PLXNA4: variants seen among roughly 807,000 people sequenced by gnomAD.
PLXNA4 encodes the protein plexin A4, also known as plexin-A4.
Under a neutral mutation model 191.8 loss-of-function variants are expected in PLXNA4, and 44 were observed. That is an observed-to-expected ratio of 0.23 (90% CI 0.18 to 0.29). The LOEUF is 0.29. Ranked by LOEUF, PLXNA4 falls within the 10% of genes least tolerant of loss-of-function variation. PLXNA4 has a pLI of 1.00. For missense variants in PLXNA4, 1,800 were observed against 2,488.8 expected (o/e 0.72, Z 5.89); for synonymous variants, 1,082 against 1,009.5 (o/e 1.07, Z -1.36).
At chr7:132,432,506 C>A (rs948480505) in intron 3 of PLXNA4, among the ~76,000 whole-genome samples, 5 of 152,158 alleles carry the variant, frequency 3.3e-5, no homozygotes, top group African/African-American at 4.8e-5. Flanking sequence ...ATTTATCCCA[C>A]TCCTTGGTTC....
At chr7:132,434,814 T>G (rs755897707) in intron 3 of PLXNA4, among the ~76,000 whole-genome samples, 1 of 152,170 alleles carries the variant, frequency 6.6e-6, no homozygotes, top group African/African-American at 2.4e-5. Context: ...GGTACAGATG[T>G]AGAGAGTTAG....
intron 1 of PLXNA4, among the ~76,000 whole-genome samples, chr7:132,558,044 G>A (rs1017057543): frequency 6.6e-6 from 1 of 152,182 alleles, no homozygotes; most frequent in African/African-American, 2.4e-5. Flanking sequence ...GTGGGAATAT[G>A]AGATGTAAAT....
chr7:132,132,808 A>G lies in PLXNA4; in HGVS notation c.5589+241T>C, dbSNP rs565980702. On this transcript the variant is annotated intron_variant, in intron 31 of 31. Transcript: ENST00000321063. ...GAGAAAATAAGAATTAAAAAAGACA[A>G]TATAAAAGAAACAGGTACTTATTTA... Among the ~76,000 whole-genome samples the G allele has an allele frequency of 1.1e-4, 17 of 152,314 alleles. No homozygotes were observed. In the South Asian group the frequency reaches 3.3e-3, roughly 30 times the overall value.
At chr7:132,231,976 A>G (rs574687439) in intron 5 of PLXNA4, among the ~76,000 whole-genome samples, 3 of 152,334 alleles carry the variant, frequency 2.0e-5, no homozygotes, top group South Asian at 4.1e-4. Context: ...CATTTCTACT[A>G]TCCTCCAGGA....
chr7:132,376,217 C>T (rs556467262), intron 3 of PLXNA4, among the ~76,000 whole-genome samples: 5 of 152,240 alleles, frequency 3.3e-5, no homozygotes, highest in African/African-American at 7.2e-5. Context: ...CAGCATTGGC[C>T]GAGGGACTGT....
chr7:132,645,573 G>T (rs1304699686), intron 2 of PLXNA4, among the ~76,000 whole-genome samples: 1 of 152,166 alleles, frequency 6.6e-6, no homozygotes, highest in Non-Finnish European at 1.5e-5. Flanking sequence ...TACAGTTTCT[G>T]TAAGAATACT....
In PLXNA4 at chr7:132,597,874, C is replaced by T. The variant is rs369027774; in HGVS notation, c.-87+48054G>A. Among the ~76,000 whole-genome samples the T allele has an allele frequency of 1.3e-3, 95 of 71,042 alleles. 1 individual carries two copies. Among genetic ancestry groups the T allele is most frequent in the African/African-American group, 3.0e-3 (85 of 27,876 alleles). The allele number at this position is 71,042 out of a possible 152,430, so 46.6% of individuals were successfully genotyped here. ...CTCTCTCTCTCTATATATATATATA[C>T]ATCCAATCTGTAATTTTTAACTTCT... On this transcript the variant is annotated intron_variant, in intron 2 of 4. Coordinates refer to the PLXNA4 transcript ENST00000378539.
At chr7:132,346,654 C>G (rs1019222169) in intron 3 of PLXNA4, among the ~76,000 whole-genome samples, 27 of 152,146 alleles carry the variant, frequency 1.8e-4, no homozygotes, top group African/African-American at 6.3e-4. Context: ...TCAGTTTTCC[C>G]CATCTGCCCA....
chr7:132,461,249 T>C (rs898031772), intron 3 of PLXNA4, among the ~76,000 whole-genome samples: 2 of 152,186 alleles, frequency 1.3e-5, no homozygotes, highest in Non-Finnish European at 2.9e-5. Flanking sequence ...ATCTGGCCTC[T>C]TCCTCTGATC....
chr7:132,266,719 T>C (rs991811125), intron 4 of PLXNA4, among the ~76,000 whole-genome samples: 3 of 152,236 alleles, frequency 2.0e-5, no homozygotes, highest in Non-Finnish European at 2.9e-5. Context: ...GCTTACTGTC[T>C]TTCTGCATAA....
intron 3 of PLXNA4, among the ~76,000 whole-genome samples, chr7:132,386,000 T>C (rs1805121240): frequency 1.3e-5 from 2 of 152,190 alleles, no homozygotes; most frequent in South Asian, 4.1e-4. Context: ...CAGCCCCTTT[T>C]CTCTGTGATT....
chr7:132,540,812 C>T (rs1800046568), intron 1 of PLXNA4, among the ~76,000 whole-genome samples: 1 of 151,714 alleles, frequency 6.6e-6, no homozygotes, highest in Non-Finnish European at 1.5e-5. Flanking sequence ...TGGTCTCGAT[C>T]TCCTGACCTC....
At chr7:132,385,333 T>C (rs777350159) in intron 3 of PLXNA4, 1 of 1,582,518 alleles carries the variant, frequency 6.3e-7, no homozygotes, top group Non-Finnish European at 8.6e-7. Context: ...TAGACCATGG[T>C]GCACAAGATA....
chr7:132,157,323 G>A (rs1376292), intron 25 of PLXNA4, among the ~76,000 whole-genome samples: 30,053 of 152,128 alleles, frequency 0.2, 4,402 homozygotes, highest in African/African-American at 0.41. Flanking sequence ...TGGCAGGAGC[G>A]ACTGTGCCTG....
At chr7:132,154,509 G>T (rs1245070532) in intron 25 of PLXNA4, among the ~76,000 whole-genome samples, 2 of 152,002 alleles carry the variant, frequency 1.3e-5, no homozygotes, top group Non-Finnish European at 2.9e-5. Flanking sequence ...TGCACTGAAG[G>T]TACTAGATCT....
chr7:132,384,766 A>G, intron 3 of PLXNA4: 1 of 1,089,790 alleles, frequency 9.2e-7, no homozygotes, highest in Non-Finnish European at 1.1e-6. Flanking sequence ...ACACACACAC[A>G]CACACACACA....
At chr7:132,250,410 G>T (rs775569041) in intron 4 of PLXNA4, among the ~76,000 whole-genome samples, 23 of 152,336 alleles carry the variant, frequency 1.5e-4, no homozygotes, top group South Asian at 4.1e-4. Context: ...ACACTTGTAC[G>T]TGTTCCAAGA....
intron 3 of PLXNA4, among the ~76,000 whole-genome samples, chr7:132,352,008 C>T (rs934381604): frequency 1.3e-5 from 2 of 152,144 alleles, no homozygotes; most frequent in Non-Finnish European, 2.9e-5. Context: ...TATTTTAAGG[C>T]TTATTAGACT....
intron 8 of PLXNA4, among the ~76,000 whole-genome samples, chr7:132,224,258 G>T (rs1562976580): frequency 6.6e-6 from 1 of 152,022 alleles, no homozygotes; most frequent in Non-Finnish European, 1.5e-5. Context: ...GATGACCACT[G>T]CCCCCAACGC....
Sources: gnomAD v4.1 joint callset for allele counts (sites outside exome capture counted in the v4.1 genomes callset) on GRCh38, gnomAD v4.1.1 for gene constraint, MANE v1.5 for transcripts, NCBI Gene and HGNC (gene_info 2026-07-23, HGNC 2026-07-21) for gene names.